CCDC7: variants seen among roughly 807,000 people sequenced by gnomAD.
The protein encoded by CCDC7 is coiled-coil domain-containing protein 7.
A neutral mutation model predicts 196.9 loss-of-function variants in CCDC7; 183 were observed. The observed-to-expected ratio is 0.93, with a 90% confidence interval of 0.82 to 1.05. The LOEUF (loss-of-function observed/expected upper bound fraction) is 1.05, where lower values mean the gene tolerates loss of function less well. Ranked by LOEUF, CCDC7 falls within the 50% of genes least tolerant of loss-of-function variation. The pLI is 0.00. For synonymous variants in CCDC7, 525 were observed against 484.6 expected (o/e 1.08, Z -1.10); for missense variants, 1,540 against 1,482.2 (o/e 1.04, Z -0.64).
chr10:32,633,696 A>ATATATGTGTGTGTGTGTGTGTG (rs779341941), intron 18 of CCDC7, among the ~76,000 whole-genome samples: 3 of 135,230 alleles, frequency 2.2e-5, no homozygotes. Context: ...ATATATATAT[A>ATATATGTGTGTGTGTGTGTGTG]TGTGTGTGTG....
At chr10:32,662,711 G>T (rs2071756774) in intron 20 of CCDC7, among the ~76,000 whole-genome samples, 1 of 152,192 alleles carries the variant, frequency 6.6e-6, no homozygotes, top group Non-Finnish European at 1.5e-5. Flanking sequence ...TGTCTTGGCA[G>T]TAGGTTCTTT....
In CCDC7 at chr10:32,652,414, T is replaced by A. The variant is rs564707415; in HGVS notation, c.2015-11640T>A. 2.0e-5 allele frequency among the ~76,000 whole-genome samples: 3 copies of A among 152,294 alleles called. No individual in the cohort carries two copies. The East Asian group carries it at 5.8e-4, about 29-fold the overall frequency. On this transcript the variant is annotated intron_variant, in intron 20 of 41. Coordinates refer to ENST00000639629, the Ensembl canonical transcript of CCDC7. Reference sequence around the variant, plus strand: ...GAATTCTGTCCTTTAACATTCATGGTTATTATGCATAATTAAGGTCTTACT... The same window carrying A: ...GAATTCTGTCCTTTAACATTCATGGATATTATGCATAATTAAGGTCTTACT...
intron 30 of CCDC7, among the ~76,000 whole-genome samples, chr10:32,806,009 A>T (rs977305469): frequency 6.6e-6 from 1 of 152,162 alleles, no homozygotes; most frequent in South Asian, 2.1e-4. Flanking sequence ...GGTGCTACAT[A>T]CTTTTGAACA....
chr10:32,707,549 C>T (rs60935239), intron 24 of CCDC7, among the ~76,000 whole-genome samples: 9,169 of 152,260 alleles, frequency 0.06, 862 homozygotes, highest in African/African-American at 0.2. Context: ...TTGCAGATGA[C>T]ATGATTGTAT....
chr10:32,668,195 C>T (rs368028631), intron 21 of CCDC7, among the ~76,000 whole-genome samples: 1 of 152,110 alleles, frequency 6.6e-6, no homozygotes, highest in South Asian at 2.1e-4. Context: ...TATAAGAATG[C>T]TTGTGATTTT....
chr10:32,657,075 G>A (rs539795212), intron 20 of CCDC7, among the ~76,000 whole-genome samples: 1 of 152,366 alleles, frequency 6.6e-6, no homozygotes, highest in South Asian at 2.1e-4. Flanking sequence ...GCAAGAGGTG[G>A]GCTTCCGTGG....
At chr10:32,637,226 T>C (rs1180991809) in intron 20 of CCDC7, among the ~76,000 whole-genome samples, 2 of 152,184 alleles carry the variant, frequency 1.3e-5, no homozygotes, top group South Asian at 2.1e-4. Flanking sequence ...AGAAGCTCTT[T>C]AGTTTAATTA....
intron 13 of CCDC7, among the ~76,000 whole-genome samples, chr10:32,560,321 A>G (rs942242331): frequency 5.4e-4 from 83 of 152,314 alleles, no homozygotes; most frequent in Admixed American, 1.6e-3. Flanking sequence ...AATACAGAGA[A>G]CGCCACAAAG....
Position 32,842,979 on chromosome 10 carries a change from G to C in CCDC7, c.3353-2264G>C, listed in dbSNP as rs1024142775. Among the ~76,000 whole-genome samples the C allele has an allele frequency of 3.3e-5, 5 of 151,764 alleles. No homozygotes were observed. In the East Asian group the frequency reaches 7.8e-4, roughly 24 times the overall value. ...GCAAGGGACAAAAGACTATGCATTG[G>C]GTACAGTGTACACTGCTCAGGTGAT... On this transcript the variant is annotated intron_variant, in intron 33 of 41. Coordinates refer to ENST00000639629, the Ensembl canonical transcript of CCDC7.
intron 28 of CCDC7, among the ~76,000 whole-genome samples, chr10:32,756,202 A>C (rs1321876306): frequency 1.3e-5 from 2 of 152,184 alleles, no homozygotes; most frequent in Admixed American, 6.5e-5. Context: ...TATCCAGGAG[A>C]ATTTCCCCAA....
chr10:32,758,194 C>T (rs1443193553), intron 28 of CCDC7, among the ~76,000 whole-genome samples: 1 of 152,156 alleles, frequency 6.6e-6, no homozygotes, highest in Non-Finnish European at 1.5e-5. Flanking sequence ...GGGACCATTC[C>T]TTCTGAAACT....
intron 18 of CCDC7, among the ~76,000 whole-genome samples, chr10:32,626,914 T>C (rs543195645): frequency 2.0e-5 from 3 of 152,164 alleles, no homozygotes; most frequent in Admixed American, 6.6e-5. Flanking sequence ...TTGGTGTGTC[T>C]ACTTTTTTTG....
intron 18 of CCDC7, among the ~76,000 whole-genome samples, chr10:32,587,081 C>T (rs536979900): frequency 6.6e-6 from 1 of 152,114 alleles, no homozygotes; most frequent in Non-Finnish European, 1.5e-5. Context: ...TAAAATATAT[C>T]ATTTTAACCA....
chr10:32,699,116 C>T (rs1284188469), intron 24 of CCDC7, among the ~76,000 whole-genome samples: 1 of 151,954 alleles, frequency 6.6e-6, no homozygotes, highest in Non-Finnish European at 1.5e-5. Flanking sequence ...AGGTTTGTTA[C>T]ATATGTATAC....
chr10:32,691,484 G>A (rs188085723), intron 23 of CCDC7, among the ~76,000 whole-genome samples: 1 of 152,286 alleles, frequency 6.6e-6, no homozygotes, highest in East Asian at 1.9e-4. Flanking sequence ...CTTGGTGGTA[G>A]ATGCTTTTTC....
At chr10:32,566,957 G>C (rs1259524290) in intron 14 of CCDC7, among the ~76,000 whole-genome samples, 1 of 136,172 alleles carries the variant, frequency 7.3e-6, no homozygotes, top group Non-Finnish European at 1.6e-5. Flanking sequence ...ATATATGCAG[G>C]GTTTTTTATA....
intron 20 of CCDC7, among the ~76,000 whole-genome samples, chr10:32,657,887 A>G (rs1000013295): frequency 3.3e-5 from 5 of 152,168 alleles, no homozygotes; most frequent in African/African-American, 9.6e-5. Flanking sequence ...TCTGCCAGAT[A>G]CCATAAATCA....
intron 18 of CCDC7, among the ~76,000 whole-genome samples, chr10:32,633,564 A>G (rs1430746763): frequency 6.6e-6 from 1 of 152,012 alleles, no homozygotes; most frequent in African/African-American, 2.4e-5. Context: ...GACTGAGAAT[A>G]TTTGTCAAAT....
intron 28 of CCDC7, among the ~76,000 whole-genome samples, chr10:32,760,014 T>C (rs190275119): frequency 0.14 from 21,672 of 151,918 alleles, 1,816 homozygotes; most frequent in African/African-American, 0.25. Context: ...TCACTGGCCA[T>C]CAGAGAAATG....
Sources: gnomAD v4.1 joint callset for allele counts (sites outside exome capture counted in the v4.1 genomes callset) on GRCh38, gnomAD v4.1.1 for gene constraint, MANE v1.5 for transcripts, NCBI Gene and HGNC (gene_info 2026-07-23, HGNC 2026-07-21) for gene names.